The following MYT1L variants were observed in gnomAD, a reference collection of about 807,000 sequenced individuals.
MYT1L encodes the protein myelin transcription factor 1 like.
In MYT1L, 12 loss-of-function variants were observed where a neutral mutation model predicts 126.7. The observed-to-expected ratio is 0.09, with a 90% CI of 0.06 to 0.15. The LOEUF is 0.15. MYT1L is among the 10% of genes least tolerant of loss of function. The pLI is 1.00. For missense variants in MYT1L, 979 were observed against 1,585.2 expected (o/e 0.62, Z 6.49); for synonymous variants, 541 against 604.2 (o/e 0.90, Z 1.53).
intron 2 of MYT1L, among the ~76,000 whole-genome samples, chr2:2,218,348 T>C (rs1425470000): frequency 6.6e-6 from 1 of 152,152 alleles, no homozygotes; most frequent in Non-Finnish European, 1.5e-5. Context: ...ATAAACAAAT[T>C]GTGTAATATA....
At chr2:2,005,676 G>A (rs187476061) in intron 4 of MYT1L, among the ~76,000 whole-genome samples, 139 of 144,830 alleles carry the variant, frequency 9.6e-4, no homozygotes, top group East Asian at 2.2e-4. Context: ...TCCTGCATGC[G>A]TTCTTTCCTG....
intron 2 of MYT1L, among the ~76,000 whole-genome samples, chr2:2,205,713 C>T (rs2093287202): frequency 6.6e-6 from 1 of 152,144 alleles, no homozygotes; most frequent in Admixed American, 6.5e-5. Flanking sequence ...CTCAATGCTA[C>T]CAGGGTTGAT....
In MYT1L at chr2:2,115,829, G is replaced by A. The variant is rs528252351; in HGVS notation, c.-304+57043C>T. Among the ~76,000 whole-genome samples, 54 of 152,032 alleles carry A rather than the reference G, an allele frequency of 3.6e-4. 1 individual carries two copies. The East Asian group carries it at 7.0e-3, about 20-fold the overall frequency. ...GTAGGATGCACCACGTCCAGTCGAC[G>A]AAAACAGGACGAGCCTGCTGTGCAG... On this transcript the variant is annotated intron_variant, in intron 3 of 24. Transcript: ENST00000647738.
At chr2:2,247,692 A>G (rs1478346359) in intron 2 of MYT1L, among the ~76,000 whole-genome samples, 1 of 152,198 alleles carries the variant, frequency 6.6e-6, no homozygotes, top group Admixed American at 6.5e-5. Context: ...TCTGATCACA[A>G]TGGAATAAAA....
intron 3 of MYT1L, among the ~76,000 whole-genome samples, chr2:2,132,892 G>C (rs1405964980): frequency 6.6e-6 from 1 of 152,060 alleles, no homozygotes; most frequent in Non-Finnish European, 1.5e-5. Flanking sequence ...GAAATTTATT[G>C]GGTGTCTTGG....
intron 4 of MYT1L, among the ~76,000 whole-genome samples, chr2:1,998,836 G>A (rs971102736): frequency 2.0e-5 from 3 of 151,886 alleles, no homozygotes; most frequent in Admixed American, 6.6e-5. Flanking sequence ...ATTCCTACCC[G>A]CCTTTGGATC....
chr2:1,815,641 G>A (rs983277005), intron 21 of MYT1L, among the ~76,000 whole-genome samples: 4 of 152,124 alleles, frequency 2.6e-5, no homozygotes, highest in African/African-American at 9.7e-5. Context: ...GAGTGTGGGG[G>A]AGCACCCCCC....
At chr2:1,911,688 A>G (rs2052004390) in intron 12 of MYT1L, among the ~76,000 whole-genome samples, 3 of 152,204 alleles carry the variant, frequency 2.0e-5, no homozygotes, top group Admixed American at 2.0e-4. Context: ...ATTCCAGGCC[A>G]CGTCCTGTCC....
chr2:2,181,765 A>C (rs1223456859), intron 2 of MYT1L, among the ~76,000 whole-genome samples: 1 of 152,190 alleles, frequency 6.6e-6, no homozygotes, highest in Admixed American at 6.5e-5. Context: ...AGTGAGATTC[A>C]TCTGCATAAA....
intron 3 of MYT1L, among the ~76,000 whole-genome samples, chr2:2,109,054 A>G (rs933325011): frequency 1.3e-5 from 2 of 152,188 alleles, no homozygotes; most frequent in African/African-American, 4.8e-5. Flanking sequence ...ACATTAGCCA[A>G]TCCTTAGTTG....
intron 23 of MYT1L, among the ~76,000 whole-genome samples, chr2:1,800,989 G>A (rs2034743217): frequency 6.6e-6 from 1 of 152,186 alleles, no homozygotes. Flanking sequence ...CACTCCCAGA[G>A]TGTACTTCGG....
intron 8 of MYT1L, among the ~76,000 whole-genome samples, chr2:1,947,851 C>T (rs893672094): frequency 6.6e-6 from 1 of 152,204 alleles, no homozygotes; most frequent in Non-Finnish European, 1.5e-5. Context: ...TGGTATAATC[C>T]TATCAAGCAG....
chr2:2,068,196 G>A (rs2074108009), intron 3 of MYT1L, among the ~76,000 whole-genome samples: 1 of 152,174 alleles, frequency 6.6e-6, no homozygotes, highest in African/African-American at 2.4e-5. Context: ...CACCCAGGGA[G>A]AATGTGGGGA....
At chr2:1,823,696 G>A (rs976629842) in intron 21 of MYT1L, among the ~76,000 whole-genome samples, 3 of 152,144 alleles carry the variant, frequency 2.0e-5, no homozygotes, top group African/African-American at 7.2e-5. Flanking sequence ...GTGGCTGGCC[G>A]CATGTTCAGC....
chr2:2,148,087 T>A (rs1373755314), intron 3 of MYT1L, among the ~76,000 whole-genome samples: 1 of 152,144 alleles, frequency 6.6e-6, no homozygotes, highest in African/African-American at 2.4e-5. Flanking sequence ...ACACCTCTCA[T>A]CCTCCAGGGC....
chr2:1,982,803 C>G (rs933531484), intron 5 of MYT1L, among the ~76,000 whole-genome samples: 1 of 152,180 alleles, frequency 6.6e-6, no homozygotes, highest in African/African-American at 2.4e-5. Flanking sequence ...AGCTTGCTTA[C>G]CCTTATCCAG....
At chr2:2,184,796 T>C (rs1051736608) in intron 2 of MYT1L, among the ~76,000 whole-genome samples, 2 of 152,160 alleles carry the variant, frequency 1.3e-5, no homozygotes, top group Non-Finnish European at 2.9e-5. Flanking sequence ...CAGCTTCAGT[T>C]GTAGGAGAGA....
chr2:2,297,178 C>T (rs1318502329), intron 1 of MYT1L, among the ~76,000 whole-genome samples: 2 of 152,250 alleles, frequency 1.3e-5, no homozygotes, highest in Admixed American at 6.5e-5. Flanking sequence ...ACACAACCCT[C>T]ACCCGTGGCG....
intron 9 of MYT1L, among the ~76,000 whole-genome samples, chr2:1,925,215 A>G (rs1457285883): frequency 4.6e-5 from 7 of 152,230 alleles, no homozygotes; most frequent in African/African-American, 7.2e-5. Context: ...CATTTCCTTT[A>G]TGGAACTCAT....
Sources: gnomAD v4.1 joint callset for allele counts (sites outside exome capture counted in the v4.1 genomes callset) on GRCh38, gnomAD v4.1.1 for gene constraint, MANE v1.5 for transcripts, NCBI Gene and HGNC (gene_info 2026-07-23, HGNC 2026-07-21) for gene names.